Variants in BLOC1S5 observed in about 807,000 individuals in gnomAD.
BLOC1S5 encodes the protein biogenesis of lysosomal organelles complex 1 subunit 5, also known as biogenesis of lysosome-related organelles complex 1 subunit 5.
BLOC1S5 carries 27 observed loss-of-function variants against 24.3 expected under a neutral mutation model. That is an observed-to-expected ratio of 1.11 (90% CI 0.82 to 1.53). BLOC1S5 has a LOEUF of 1.53. Among genes scored for constraint, BLOC1S5 ranks in the 40% most tolerant of loss-of-function variants. BLOC1S5 has a pLI of 0.00. For synonymous variants in BLOC1S5, 84 were observed against 74.5 expected (o/e 1.13, Z -0.66); for missense variants, 239 against 229.4 (o/e 1.04, Z -0.27).
chr6:8,064,199 G>A (rs1205798629), intron 1 of BLOC1S5, 66 bp downstream of exon 1: 20 of 1,400,210 alleles, frequency 1.4e-5, no homozygotes, highest in Non-Finnish European at 1.9e-5. Flanking sequence ...CCGGGTCAGA[G>A]GGCGCCGCCT....
intron 3 of BLOC1S5, among the ~76,000 whole-genome samples, chr6:8,032,243 AC>A (rs1471085297): frequency 6.6e-6 from 1 of 152,230 alleles, no homozygotes; most frequent in Non-Finnish European, 1.5e-5. Context: ...TGCAGAGTCT[AC>A]AAAGAATTCA....
intron 3 of BLOC1S5, among the ~76,000 whole-genome samples, chr6:8,036,644 G>A (rs1763498354): frequency 1.3e-5 from 2 of 152,082 alleles, no homozygotes; most frequent in Non-Finnish European, 2.9e-5. Flanking sequence ...AACCTGAAGA[G>A]GAGAGAATAT....
intron 2 of BLOC1S5, among the ~76,000 whole-genome samples, chr6:8,049,459 T>A (rs1301327347): frequency 6.6e-6 from 1 of 152,206 alleles, no homozygotes; most frequent in Non-Finnish European, 1.5e-5. Flanking sequence ...CTTTTTTCTG[T>A]AAATTTTACT....
intron 3 of BLOC1S5, among the ~76,000 whole-genome samples, chr6:8,033,507 C>T (rs1351377891): frequency 2.0e-5 from 3 of 152,160 alleles, no homozygotes; most frequent in South Asian, 2.1e-4. Context: ...AAACGTTAGA[C>T]CTAAAACCAT....
intron 2 of BLOC1S5, among the ~76,000 whole-genome samples, chr6:8,053,883 G>T (rs2815150): frequency 6.6e-6 from 1 of 151,816 alleles, no homozygotes; most frequent in Non-Finnish European, 1.5e-5. Flanking sequence ...TGGTGTTCTT[G>T]TTCTCACAGT....
At chr6:8,064,219 G>A in intron 1 of BLOC1S5, 46 bp downstream of exon 1, 1 of 1,510,856 alleles carries the variant, frequency 6.6e-7, no homozygotes, top group Non-Finnish European at 9.0e-7. Flanking sequence ...TGGGAGATGA[G>A]GCTGTGCTGG....
intron 2 of BLOC1S5, among the ~76,000 whole-genome samples, chr6:8,060,986 G>A (rs1270578744): frequency 1.3e-5 from 2 of 151,994 alleles, no homozygotes; most frequent in South Asian, 2.1e-4. Flanking sequence ...CACCATGCCC[G>A]GCTAATTTTT....
chr6:8,062,458 TG>T, intron 2 of BLOC1S5, 75 bp downstream of exon 2: 1 of 890,036 alleles, frequency 1.1e-6, no homozygotes, highest in South Asian at 1.8e-5. Flanking sequence ...ATTTTAAAAC[TG>T]GGGAATTTCT....
chr6:8,031,355 T>G (rs1763290169), intron 3 of BLOC1S5, among the ~76,000 whole-genome samples: 1 of 152,118 alleles, frequency 6.6e-6, no homozygotes, highest in South Asian at 2.1e-4. Context: ...GAGAATCAAA[T>G]TAAAGAGCTC....
chr6:8,041,277 A>T lies in BLOC1S5; in HGVS notation c.196-9T>A, dbSNP rs371031968. On this transcript the variant is annotated splice_polypyrimidine_tract_variant and intron_variant, in intron 2 of 4. Coordinates refer to ENST00000397457, the MANE Select transcript of BLOC1S5 (RefSeq NM_201280.3). ...CGAAGACCACGTTTTTCCTATTAAA[A>T]GAAAGTAGATGACTAATAAATATGG... 70 of 1,595,660 alleles carry T rather than the reference A, an allele frequency of 4.4e-5. No homozygotes were observed. Among genetic ancestry groups the T allele is most frequent in the Non-Finnish European group, 5.6e-5 (66 of 1,171,290 alleles).
At chr6:8,018,085 T>G (rs1762803320) in intron 4 of BLOC1S5, 1 of 152,244 alleles carries the variant, frequency 6.6e-6, no homozygotes, top group Non-Finnish European at 1.5e-5. Flanking sequence ...CTACGGACAC[T>G]TGGGATCTGA....
intron 2 of BLOC1S5, among the ~76,000 whole-genome samples, chr6:8,051,653 C>T (rs533256073): frequency 6.6e-6 from 1 of 152,328 alleles, no homozygotes; most frequent in South Asian, 2.1e-4. Flanking sequence ...GACAAGCTAA[C>T]TCTCTTGTTA....
At chr6:8,016,706 AAAAT>A (rs1176912448) in intron 4 of BLOC1S5, among the ~76,000 whole-genome samples, 2 of 151,838 alleles carry the variant, frequency 1.3e-5, no homozygotes, top group Admixed American at 1.3e-4. Flanking sequence ...GTCTCTACTA[AAAAT>A]ATAAAAATTA....
intron 3 of BLOC1S5, among the ~76,000 whole-genome samples, chr6:8,030,642 C>T (rs1296859773): frequency 2.0e-5 from 3 of 150,826 alleles, no homozygotes; most frequent in African/African-American, 4.9e-5. Context: ...GATGCCAAGG[C>T]GGGTGGATCA....
chr6:8,031,104 A>G (rs1040441412), intron 3 of BLOC1S5, among the ~76,000 whole-genome samples: 34 of 152,224 alleles, frequency 2.2e-4, no homozygotes, highest in African/African-American at 7.7e-4. Context: ...TTTCTATTCA[A>G]CATAGTACTG....
At chr6:8,063,073 A>G (rs1428654225) in intron 1 of BLOC1S5, among the ~76,000 whole-genome samples, 1 of 152,164 alleles carries the variant, frequency 6.6e-6, no homozygotes, top group Non-Finnish European at 1.5e-5. Flanking sequence ...ATAATAAAAA[A>G]GCAAGTTTCA....
chr6:8,041,117 T>G (rs757558851), intron 3 of BLOC1S5, 22 bp downstream of exon 3: 4 of 1,558,572 alleles, frequency 2.6e-6, no homozygotes, highest in Non-Finnish European at 3.5e-6. Flanking sequence ...GAAAAGCAAT[T>G]AAAAAAGAAT....
At chr6:8,025,360 G>C (rs986716868) in intron 4 of BLOC1S5, among the ~76,000 whole-genome samples, 2 of 152,148 alleles carry the variant, frequency 1.3e-5, no homozygotes, top group Non-Finnish European at 2.9e-5. Flanking sequence ...AGCACTCTCT[G>C]CACGCTGTGC....
At chr6:8,022,943 T>A (rs961577975) in intron 4 of BLOC1S5, among the ~76,000 whole-genome samples, 10 of 152,184 alleles carry the variant, frequency 6.6e-5, no homozygotes, top group African/African-American at 2.2e-4. Context: ...ATGAAAGTAA[T>A]CATAAAGACA....
Sources: gnomAD v4.1 joint callset for allele counts (sites outside exome capture counted in the v4.1 genomes callset) on GRCh38, gnomAD v4.1.1 for gene constraint, MANE v1.5 for transcripts, NCBI Gene and HGNC (gene_info 2026-07-23, HGNC 2026-07-21) for gene names.